SUFU: variants seen among roughly 807,000 people sequenced by gnomAD.
SUFU encodes suppressor of fused homolog.
A neutral mutation model predicts 58.9 loss-of-function variants in SUFU; 7 were observed. The ratio of observed to expected loss-of-function variants is 0.12; its 90% CI spans 0.07 to 0.22. The LOEUF (loss-of-function observed/expected upper bound fraction) is 0.22. Among genes scored for constraint, SUFU ranks in the 10% least tolerant of loss-of-function variants. SUFU has a pLI of 1.00. For missense variants in SUFU, 451 were observed against 641.3 expected, an observed-to-expected ratio of 0.70 and a Z score of 3.20; for synonymous variants, 232 against 254.8, an observed-to-expected ratio of 0.91 and a Z score of 0.85.
chr10:102,510,491 AC>A (rs2062387676), intron 2 of SUFU, among the ~76,000 whole-genome samples: 1 of 151,032 alleles, frequency 6.6e-6, no homozygotes, highest in African/African-American at 2.4e-5. Flanking sequence ...TACAGGCGTG[AC>A]GACTGTGCCC....
At position 102,630,161 on chromosome 10, in the gene SUFU, G is replaced by A. The variant is rs375366321; in HGVS notation, c.*6G>A. 64 of 1,613,666 alleles carry A rather than the reference G, an allele frequency of 4.0e-5. 2 individuals carry two copies. In the Admixed American group the frequency reaches 1.0e-3, roughly 26 times the overall value. On this transcript the variant is annotated 3_prime_UTR_variant, in exon 12 of 12. Coordinates refer to ENST00000369902, the MANE Select transcript of SUFU (RefSeq NM_016169.4). ...TCGACAGTCCGCTACACTAGCCTGG[G>A]CTGGGCCCTGCAGTGGCCAGCAGGG...
intron 1 of SUFU, among the ~76,000 whole-genome samples, chr10:102,507,942 C>T (rs1385647147): frequency 6.7e-6 from 1 of 149,508 alleles, no homozygotes; most frequent in Admixed American, 6.7e-5. Flanking sequence ...ATTTCTCTAG[C>T]TACCAAAATT....
At chr10:102,540,250 G>A (rs909666082) in intron 2 of SUFU, among the ~76,000 whole-genome samples, 28 of 152,250 alleles carry the variant, frequency 1.8e-4, no homozygotes, top group African/African-American at 6.7e-4. Context: ...GCTCCCAGTG[G>A]CCAGAACTAG....
intron 3 of SUFU, among the ~76,000 whole-genome samples, chr10:102,568,951 T>C (rs1456474291): frequency 9.2e-6 from 1 of 108,826 alleles, no homozygotes; most frequent in African/African-American, 3.6e-5. Flanking sequence ...TATATATATA[T>C]ATATATATAT....
At chr10:102,538,544 T>A (rs1179797285) in intron 2 of SUFU, among the ~76,000 whole-genome samples, 1 of 152,132 alleles carries the variant, frequency 6.6e-6, no homozygotes, top group Non-Finnish European at 1.5e-5. Context: ...AAAAAAGACT[T>A]TTTTAGAGCC....
chr10:102,593,540 C>T, intron 4 of SUFU, 96 bp from the exon 5 acceptor site: 3 of 1,238,594 alleles, frequency 2.4e-6, no homozygotes, highest in East Asian at 4.6e-5. Flanking sequence ...CCTGTGGTCT[C>T]CCAACTGGAG....
Position 102,580,745 on chromosome 10 carries a change from G to A in SUFU, c.455-11837G>A, listed in dbSNP as rs1488765837. Among the ~76,000 whole-genome samples the A allele has an allele frequency of 3.3e-5, 5 of 152,288 alleles. No individual in the cohort carries two copies. In the East Asian group the frequency reaches 9.6e-4, roughly 29 times the overall value. On this transcript the variant is annotated intron_variant, in intron 3 of 11. Transcript: ENST00000369902. ...GCCTGGGGTTACTCCTCCCTAAAAT[G>A]AGGGTAGCATTGTGCGGGTGTGCTA...
chr10:102,531,426 A>G (rs987747042), intron 2 of SUFU, among the ~76,000 whole-genome samples: 1 of 152,170 alleles, frequency 6.6e-6, no homozygotes, highest in Non-Finnish European at 1.5e-5. Context: ...CAGCCTTTGT[A>G]GTCCCAACTG....
At position 102,617,185 on chromosome 10, in the gene SUFU, C is replaced by A; in HGVS notation, c.1158-105C>A. ...GCAGCCAGGAGGGCATGTTACCTGG[C>A]CCGCGGACCATAGTCCCCACTGTCC... is the stretch of plus-strand genomic sequence containing the variant. On this transcript the variant is annotated intron_variant, in intron 9 of 11. Coordinates refer to ENST00000369902, the MANE Select transcript of SUFU (RefSeq NM_016169.4). This position sits in a 1 kb window ranked among gnomAD's most constrained non-coding sequence, Gnocchi z 4.4. 6.7e-7 allele frequency: 1 copy of A among 1,503,460 alleles called. No homozygotes were observed. Among genetic ancestry groups the A allele is most frequent in the Non-Finnish European group, 9.2e-7 (1 of 1,087,406 alleles). The allele number at this position is 1,503,460 out of a possible 1,614,324, so 93.1% of individuals were successfully genotyped here. A position where few individuals can be genotyped will look rare whatever the true frequency, so the allele number is the denominator to read the frequency against.
intron 2 of SUFU, among the ~76,000 whole-genome samples, chr10:102,526,389 C>T (rs550988298): frequency 1.3e-5 from 2 of 151,822 alleles, no homozygotes; most frequent in South Asian, 2.1e-4. Flanking sequence ...CCCATCTCTA[C>T]AAAAAATACA....
chr10:102,514,664 G>A (rs2062444348), intron 2 of SUFU, among the ~76,000 whole-genome samples: 1 of 152,240 alleles, frequency 6.6e-6, no homozygotes, highest in Non-Finnish European at 1.5e-5. Flanking sequence ...CAGCTGCCAA[G>A]TGCTGTCGGA....
intron 2 of SUFU, 132 bp downstream of exon 2, chr10:102,509,435 A>G: frequency 7.6e-7 from 1 of 1,310,346 alleles, no homozygotes; most frequent in Admixed American, 1.7e-5. Context: ...CTCTGACTAT[A>G]TCTACTCATG....
intron 10 of SUFU, among the ~76,000 whole-genome samples, 200 bp from the exon 11 acceptor site, chr10:102,626,975 A>T (rs1411557931): frequency 6.6e-6 from 1 of 151,678 alleles, no homozygotes; most frequent in Admixed American, 6.6e-5. Flanking sequence ...TCTATGCCTC[A>T]GTCTGATATT....
intron 8 of SUFU, among the ~76,000 whole-genome samples, chr10:102,614,382 C>G (rs1003638168): frequency 6.0e-5 from 9 of 150,692 alleles, no homozygotes; most frequent in African/African-American, 2.2e-4. Flanking sequence ...ATGGTGAAAC[C>G]CTGTCTCTAC....
Position 102,632,618 on chromosome 10 carries a change from T to C in SUFU, c.*2463T>C, listed in dbSNP as rs1396596466. ...TCTGGCACAGGATGCTTGGTGAATGTACCCTTTCTTTCCCTCCCTGCAGCT... is the reference window on the plus strand; with the variant it reads ...TCTGGCACAGGATGCTTGGTGAATGCACCCTTTCTTTCCCTCCCTGCAGCT... On this transcript the variant is annotated 3_prime_UTR_variant, in exon 12 of 12. Transcript: ENST00000369902. The C allele has an allele frequency of 1.7e-5, 4 of 233,166 alleles. No individual in the cohort carries two copies. Among genetic ancestry groups the C allele is most frequent in the Non-Finnish European group, 3.4e-5 (4 of 118,076 alleles). The allele number at this position is 233,166 out of a possible 1,614,324, so 14.4% of individuals were successfully genotyped here.
At chr10:102,581,679 G>A (rs1327548416) in intron 3 of SUFU, among the ~76,000 whole-genome samples, 3 of 152,176 alleles carry the variant, frequency 2.0e-5, no homozygotes, top group East Asian at 1.9e-4. Flanking sequence ...TTCCAGATAT[G>A]GGGCATAGGC....
At position 102,631,878 on chromosome 10, in the gene SUFU, C is replaced by T; in HGVS notation, c.*1723C>T. ...GGAGAGACTGGCTGCAGATCCCCGC[C>T]AGCCAAGATGCAAGCCACTCGGGAC... is the stretch of plus-strand genomic sequence containing the variant. On this transcript the variant is annotated 3_prime_UTR_variant, in exon 12 of 12. Coordinates refer to ENST00000369902, the MANE Select transcript of SUFU (RefSeq NM_016169.4). 4.3e-6 allele frequency: 1 copy of T among 233,394 alleles called. No individual in the cohort carries two copies. Among genetic ancestry groups the T allele is most frequent in the Non-Finnish European group, 8.5e-6 (1 of 118,126 alleles). The allele number at this position is 233,394 out of a possible 1,614,324, so 14.5% of individuals were successfully genotyped here.
intron 3 of SUFU, among the ~76,000 whole-genome samples, chr10:102,589,726 G>C (rs7072723): frequency 6.6e-6 from 1 of 151,818 alleles, no homozygotes; most frequent in South Asian, 2.1e-4. Flanking sequence ...GATTAGAGGC[G>C]TGAGCCACCA....
In SUFU at chr10:102,633,200, A is replaced by G. The variant is rs185874880; in HGVS notation, c.*3045A>G. 2.1e-5 allele frequency: 5 copies of G among 233,228 alleles called. No individual in the cohort carries two copies. In the East Asian group the frequency reaches 3.0e-4, roughly 14 times the overall value. The allele number at this position is 233,228 out of a possible 1,614,324, so 14.4% of individuals were successfully genotyped here. A position where few individuals can be genotyped will look rare whatever the true frequency, so the allele number is the denominator to read the frequency against. Reference sequence around the variant, plus strand: ...GCTTCTAGGACATCCATGCCAGGTGAGGTGCCTGGGTCCCTGTTACAAGTC... The same window carrying G: ...GCTTCTAGGACATCCATGCCAGGTGGGGTGCCTGGGTCCCTGTTACAAGTC... On this transcript the variant is annotated 3_prime_UTR_variant, in exon 12 of 12. Transcript: ENST00000369902.
Sources: allele counts gnomAD v4.1 joint callset (sites outside exome capture counted in the v4.1 genomes callset), GRCh38; gene constraint gnomAD v4.1.1; non-coding constraint Gnocchi (gnomAD v3.1); transcripts MANE v1.5; gene names NCBI Gene and HGNC (gene_info 2026-07-23, HGNC 2026-07-21).